The following RNF128 variants were observed in gnomAD, a reference collection of about 807,000 sequenced individuals.
RNF128 encodes the protein ring finger protein 128.
A neutral mutation model predicts 26.2 loss-of-function variants in RNF128; 13 were observed. The ratio of observed to expected loss-of-function variants is 0.50; its 90% CI spans 0.32 to 0.79. The LOEUF (loss-of-function observed/expected upper bound fraction) is 0.79, where lower values mean the gene tolerates loss of function less well. RNF128 is among the 30% of genes least tolerant of loss of function. RNF128 has a pLI of 0.03. For synonymous variants in RNF128, 149 were observed against 142.5 expected (o/e 1.05, Z -0.32); for missense variants, 315 against 349.7 (o/e 0.90, Z 0.79).
At chrX:106,717,833 A>G (rs1312580824) in intron 1 of RNF128, among the ~76,000 whole-genome samples, 1 of 112,307 alleles carries the variant, frequency 8.9e-6, no homozygotes, top group Non-Finnish European at 1.9e-5. Context: ...ATACTGTTTC[A>G]TTGAAAGTCT....
At chrX:106,710,568 G>A (rs1162636919) in intron 1 of RNF128, among the ~76,000 whole-genome samples, 2 of 110,020 alleles carry the variant, frequency 1.8e-5, no homozygotes, top group African/African-American at 6.6e-5. Context: ...GACCAGCCTA[G>A]CCAACAAGGT....
At chrX:106,792,292 C>T (rs953515385) in intron 6 of RNF128, among the ~76,000 whole-genome samples, 1 of 103,738 alleles carries the variant, frequency 9.6e-6, no homozygotes, top group Non-Finnish European at 1.9e-5. Context: ...AGAGAGTGTA[C>T]GAGATAATTT....
At chrX:106,747,538 C>T (rs1210151822) in intron 1 of RNF128, among the ~76,000 whole-genome samples, 3 of 111,100 alleles carry the variant, frequency 2.7e-5, no homozygotes, top group Non-Finnish European at 5.7e-5. Flanking sequence ...CACAGCCTGA[C>T]CTCCTTCATG....
intron 1 of RNF128, among the ~76,000 whole-genome samples, chrX:106,770,453 C>CT (rs943254131): frequency 3.1e-4 from 34 of 111,020 alleles, no homozygotes; most frequent in African/African-American, 9.5e-4. Context: ...TCTTTTTACT[C>CT]TTTTTTTTCC....
At chrX:106,735,974 C>T (rs1929590375) in intron 1 of RNF128, among the ~76,000 whole-genome samples, 1 of 109,439 alleles carries the variant, frequency 9.1e-6, no homozygotes, top group Non-Finnish European at 1.9e-5. Context: ...TTTTTTTTCC[C>T]GTAAGAGGCC....
At chrX:106,728,638 T>A (rs1048830998) in intron 1 of RNF128, among the ~76,000 whole-genome samples, 1 of 111,603 alleles carries the variant, frequency 9.0e-6, no homozygotes, top group African/African-American at 3.3e-5. Flanking sequence ...AGAGAGCACT[T>A]GTATTGAGTG....
exon 1 of RNF128, chrX:106,694,295 G>A (rs1276983494): frequency 8.3e-7 from 1 of 1,210,139 alleles, no homozygotes; most frequent in East Asian, 3.0e-5. Context: ...ATAGAAAGAG[G>A]TAATTGTACA....
At position 106,785,051 on chromosome X, in the gene RNF128, T is replaced by A; in HGVS notation, c.733-14T>A. On this transcript the variant is annotated splice_polypyrimidine_tract_variant and intron_variant, in intron 2 of 6. Transcript: ENST00000255499. ...AAATAGTTTTTCTAATACCTGCTGT[T>A]TTTTTTTTTACAGAGGCAATTAAAG... 8.8e-7 allele frequency: 1 copy of A among 1,134,684 alleles called. No homozygotes were observed. Among genetic ancestry groups the A allele is most frequent in the Non-Finnish European group, 1.2e-6 (1 of 851,481 alleles). The allele number at this position is 1,134,684 out of a possible 1,213,427, so 93.5% of individuals were successfully genotyped here. A position where few individuals can be genotyped will look rare whatever the true frequency, so the allele number is the denominator to read the frequency against.
At chrX:106,723,958 C>A (rs1364378732), upstream of RNF128, among the ~76,000 whole-genome samples, 1 of 111,378 alleles carries the variant, frequency 9.0e-6, no homozygotes, top group Non-Finnish European at 1.9e-5. Flanking sequence ...TCTCTCTACA[C>A]CCCTGTCTCT....
At chrX:106,736,840 AC>A (rs1929607360) in intron 1 of RNF128, among the ~76,000 whole-genome samples, 1 of 112,090 alleles carries the variant, frequency 8.9e-6, no homozygotes, top group Non-Finnish European at 1.9e-5. Flanking sequence ...TCATTTGAGA[AC>A]CCAGTGTTTA....
chrX:106,750,392 A>C (rs1029631297), intron 1 of RNF128, among the ~76,000 whole-genome samples: 4 of 112,274 alleles, frequency 3.6e-5, no homozygotes, highest in Non-Finnish European at 7.5e-5. Context: ...TCTGGGTACA[A>C]ATACCATTTC....
intron 1 of RNF128, among the ~76,000 whole-genome samples, chrX:106,758,588 T>C (rs1443537032): frequency 1.8e-5 from 2 of 111,312 alleles, no homozygotes; most frequent in Admixed American, 9.6e-5. Context: ...TACAGACATA[T>C]AGACCAAAGA....
chrX:106,774,035 G>A (rs1302123642), intron 2 of RNF128, among the ~76,000 whole-genome samples: 1 of 111,387 alleles, frequency 9.0e-6, no homozygotes, highest in African/African-American at 3.3e-5. Context: ...TGAAGTATCA[G>A]AAAGGCATTT....
chrX:106,753,243 A>G (rs1298662617), intron 1 of RNF128, among the ~76,000 whole-genome samples: 3 of 111,826 alleles, frequency 2.7e-5, no homozygotes, highest in Non-Finnish European at 3.8e-5. Context: ...AATAACTGCA[A>G]GTTTTGAAGA....
At chrX:106,733,745 G>A (rs1466963040) in intron 1 of RNF128, among the ~76,000 whole-genome samples, 2 of 110,524 alleles carry the variant, frequency 1.8e-5, no homozygotes, top group Non-Finnish European at 3.8e-5. Flanking sequence ...TTGTCACCCA[G>A]GCTGGAGTAC....
intron 3 of RNF128, among the ~76,000 whole-genome samples, chrX:106,787,582 A>G (rs1039084009): frequency 1.8e-5 from 2 of 111,475 alleles, no homozygotes; most frequent in African/African-American, 3.2e-5. Context: ...ATTTTACTGT[A>G]TGTGAATTAT....
chrX:106,752,221 A>C (rs1182355631), intron 1 of RNF128, among the ~76,000 whole-genome samples: 1 of 111,431 alleles, frequency 9.0e-6, no homozygotes, highest in Non-Finnish European at 1.9e-5. Flanking sequence ...AGCAATACTC[A>C]CCATAAGCCT....
At chrX:106,716,980 A>C in intron 1 of RNF128, among the ~76,000 whole-genome samples, 1 of 110,873 alleles carries the variant, frequency 9.0e-6, no homozygotes. Context: ...AGGCGGGCAG[A>C]TCACGAGGTC....
chrX:106,697,152 T>C lies in RNF128; in HGVS notation c.406+2744T>C, dbSNP rs769948599. On this transcript the variant is annotated intron_variant, in intron 1 of 6. Coordinates refer to the RNF128 transcript ENST00000324342. ...TAGGTTTCTAAATAAACCTTTTTTG[T>C]AAGTGGGGAAGACTAGCCCATGGCT... 1.2e-4 allele frequency among the ~76,000 whole-genome samples: 13 copies of C among 112,211 alleles called. 1 individual carries two copies. The highest frequency in any genetic ancestry group is 4.2e-4 in the African/African-American group (13 of 30,918).
Sources: gnomAD v4.1 joint callset for allele counts (sites outside exome capture counted in the v4.1 genomes callset) on GRCh38, gnomAD v4.1.1 for gene constraint, MANE v1.5 for transcripts, NCBI Gene and HGNC (gene_info 2026-07-23, HGNC 2026-07-21) for gene names.